LRRC2: variants seen among roughly 807,000 people sequenced by gnomAD.
LRRC2 encodes the protein leucine-rich repeat-containing protein 2.
LRRC2 carries 27 observed loss-of-function variants against 40.2 expected under a neutral mutation model. That is an observed-to-expected ratio of 0.67 (90% CI 0.49 to 0.93). LRRC2 has a LOEUF of 0.93. Among genes scored for constraint, LRRC2 ranks in the 40% least tolerant of loss-of-function variants. The pLI is 0.00. For missense variants in LRRC2, 402 were observed against 439.6 expected, an observed-to-expected ratio of 0.91 and a Z score of 0.76; for synonymous variants, 147 against 158.9, an observed-to-expected ratio of 0.92 and a Z score of 0.56.
intron 2 of LRRC2, among the ~76,000 whole-genome samples, chr3:46,548,550 A>C (rs75646342): frequency 7.8e-6 from 1 of 128,468 alleles, no homozygotes; most frequent in Non-Finnish European, 1.7e-5. Context: ...ATAAACATAC[A>C]AAAAAAATGC....
rs576826061 is a variant in LRRC2 at position 46,524,373 on chromosome 3, T to C, written c.930-2715A>G. Among the ~76,000 whole-genome samples the C allele has an allele frequency of 3.3e-5, 5 of 152,198 alleles. No homozygotes were observed. In the East Asian group the frequency reaches 9.7e-4, roughly 29 times the overall value. On this transcript the variant is annotated intron_variant, in intron 7 of 8. Transcript: ENST00000395905. ...TGGAGCCTGGACTGCTGGTACAGAG[T>C]GGTCTGCCCATTGTAATTAAGGAGG...
rs140142144 is a variant in LRRC2, at chr3:46,530,935, T to C, written c.628-885A>G. ...AACTATAAGAGAGTTAGAGTGACTA[T>C]ATTAATATCAGACAAATTATATTTA... On this transcript the variant is annotated intron_variant, in intron 5 of 8. Coordinates refer to ENST00000395905, the MANE Select transcript of LRRC2 (RefSeq NM_024512.5). Among the ~76,000 whole-genome samples, 292 of 152,284 alleles carry C rather than the reference T, an allele frequency of 1.9e-3. 7 individuals carry two copies. The East Asian group carries it at 0.051, about 27-fold the overall frequency.
chr3:46,561,995 G>A (rs1054126602), intron 1 of LRRC2, among the ~76,000 whole-genome samples: 1 of 152,128 alleles, frequency 6.6e-6, no homozygotes, highest in Admixed American at 6.5e-5. Flanking sequence ...TTGCTTTGGT[G>A]GATGTGATGG....
intron 8 of LRRC2, among the ~76,000 whole-genome samples, chr3:46,519,553 A>G (rs1703928235): frequency 6.6e-6 from 1 of 152,156 alleles, no homozygotes; most frequent in South Asian, 2.1e-4. Flanking sequence ...CTCCCTTCAC[A>G]GCCAAAGTTT....
rs1159467393 is a variant in LRRC2 at position 46,518,653 on chromosome 3, C to T, written c.*361G>A. Reference sequence around the variant, plus strand: ...CTGGGATTACAGGTGTGAGCCACCACACCCGGCCCCTTTATCTTTTGATTC... The same window carrying T: ...CTGGGATTACAGGTGTGAGCCACCATACCCGGCCCCTTTATCTTTTGATTC... On this transcript the variant is annotated 3_prime_UTR_variant, in exon 9 of 9. Transcript: ENST00000395905. The T allele has an allele frequency of 4.2e-5, 7 of 164,906 alleles. No individual in the cohort carries two copies. In the South Asian group the frequency reaches 5.8e-4, roughly 14 times the overall value. 10.2% of individuals were successfully genotyped at this position (164,906 alleles called of 1,614,324 possible).
chr3:46,546,569 A>C (rs1157251260), intron 2 of LRRC2, among the ~76,000 whole-genome samples: 2 of 152,196 alleles, frequency 1.3e-5, no homozygotes, highest in Non-Finnish European at 2.9e-5. Context: ...TTTGACTTTG[A>C]CTAAGCTATT....
In LRRC2 at chr3:46,551,459, A is replaced by T. The variant is rs1363388325; in HGVS notation, c.125+8T>A. The T allele has an allele frequency of 6.2e-7, 1 of 1,612,248 alleles. No homozygotes were observed. Among genetic ancestry groups the T allele is most frequent in the African/African-American group, 1.3e-5 (1 of 74,982 alleles). On this transcript the variant is annotated splice_region_variant and intron_variant, in intron 2 of 8. Coordinates refer to ENST00000395905, the MANE Select transcript of LRRC2 (RefSeq NM_024512.5). ...CAAGCTACAAGACTAGGTTGAGAAA[A>T]CACGTACTTCTCCAAGGCGCTCTTC... is the stretch of plus-strand genomic sequence containing the variant.
intron 5 of LRRC2, among the ~76,000 whole-genome samples, chr3:46,531,126 G>C (rs1056493934): frequency 6.6e-6 from 1 of 150,652 alleles, no homozygotes; most frequent in Admixed American, 6.7e-5. Context: ...AAAGGACAAA[G>C]AGACAATTCA....
intron 4 of LRRC2, among the ~76,000 whole-genome samples, chr3:46,533,775 T>TTTTCTTTCTTTCTTTCTTTGTTTG (rs1553612504): frequency 1.3e-4 from 12 of 92,998 alleles, no homozygotes; most frequent in East Asian, 3.4e-4. Context: ...CCTCCCTCTC[T>TTTTCTTTCTTTCTTTCTTTGTTTG]TTTCTTTCTT....
chr3:46,550,414 C>T (rs891423071), intron 2 of LRRC2, among the ~76,000 whole-genome samples: 6 of 122,724 alleles, frequency 4.9e-5, no homozygotes, highest in South Asian at 2.7e-4. Context: ...GACAGAGTCT[C>T]GCTCTGTCGC....
intron 8 of LRRC2, 85 bp from the exon 9 acceptor site, chr3:46,519,148 G>A (rs953242450): frequency 1.1e-6 from 1 of 891,640 alleles, no homozygotes; most frequent in Admixed American, 1.7e-5. Context: ...CATAATGAAT[G>A]TATGTCAATA....
At chr3:46,560,232 A>G (rs1201241371) in intron 1 of LRRC2, among the ~76,000 whole-genome samples, 2 of 152,196 alleles carry the variant, frequency 1.3e-5, no homozygotes. Flanking sequence ...CAGGGTAAGG[A>G]GGAGACCCTC....
chr3:46,560,533 T>G (rs1704911908), intron 1 of LRRC2, among the ~76,000 whole-genome samples: 1 of 152,160 alleles, frequency 6.6e-6, no homozygotes, highest in South Asian at 2.1e-4. Flanking sequence ...CAAGAGACCC[T>G]CAATACAAAC....
At chr3:46,565,299 G>A (rs1705033216) in intron 1 of LRRC2, among the ~76,000 whole-genome samples, 1 of 152,144 alleles carries the variant, frequency 6.6e-6, no homozygotes, top group Admixed American at 6.5e-5. Context: ...CTCTGAGCCT[G>A]ATGTTCTCAT....
At chr3:46,533,991 A>G (rs180877039) in intron 4 of LRRC2, among the ~76,000 whole-genome samples, 34 of 150,098 alleles carry the variant, frequency 2.3e-4, no homozygotes, top group Admixed American at 2.1e-3. Flanking sequence ...TACGTGTGCC[A>G]TGGTGGTTTG....
At chr3:46,525,093 T>C (rs1428675553) in intron 7 of LRRC2, among the ~76,000 whole-genome samples, 11 of 148,906 alleles carry the variant, frequency 7.4e-5, no homozygotes, top group African/African-American at 2.2e-4. Context: ...TTTCTTTTTT[T>C]TTTTTTTTTT....
intron 7 of LRRC2, among the ~76,000 whole-genome samples, chr3:46,521,989 G>C (rs1703972334): frequency 6.6e-6 from 1 of 152,160 alleles, no homozygotes; most frequent in African/African-American, 2.4e-5. Context: ...TGCAATGTTT[G>C]ATGTTACTCC....
At chr3:46,537,206 C>A (rs1704285493) in intron 4 of LRRC2, among the ~76,000 whole-genome samples, 1 of 152,194 alleles carries the variant, frequency 6.6e-6, no homozygotes, top group African/African-American at 2.4e-5. Context: ...CCGCTCACTG[C>A]AGCCTCAACC....
At position 46,566,301 on chromosome 3, in the gene LRRC2, C is replaced by T. The variant is rs576318715; in HGVS notation, c.-144G>A. ...GCAGCACGGCCGAGCCGGAAGAAGCCTCCCGTGCCTGTGCGCTAACAGGCT... is the reference window on the plus strand; with the variant it reads ...GCAGCACGGCCGAGCCGGAAGAAGCTTCCCGTGCCTGTGCGCTAACAGGCT... On this transcript the variant is annotated 5_prime_UTR_variant, in exon 1 of 9. Coordinates refer to ENST00000395905, the MANE Select transcript of LRRC2 (RefSeq NM_024512.5). 2.0e-5 allele frequency: 3 copies of T among 151,544 alleles called. No homozygotes were observed. Among genetic ancestry groups the T allele is most frequent in the Non-Finnish European group, 4.4e-5 (3 of 67,800 alleles). The allele number at this position is 151,544 out of a possible 1,614,324, so 9.4% of individuals were successfully genotyped here. A position where few individuals can be genotyped will look rare whatever the true frequency, so the allele number is the denominator to read the frequency against.
Sources: allele counts gnomAD v4.1 joint callset (sites outside exome capture counted in the v4.1 genomes callset), GRCh38; gene constraint gnomAD v4.1.1; transcripts MANE v1.5; gene names NCBI Gene and HGNC (gene_info 2026-07-23, HGNC 2026-07-21).